ASCC3: variants seen among roughly 807,000 people sequenced by gnomAD.
The protein encoded by ASCC3 is ASC-1 complex subunit P200.
In ASCC3, 158 loss-of-function variants were observed where a neutral mutation model predicts 256.3. That is an observed-to-expected ratio of 0.62 (90% CI 0.54 to 0.70). ASCC3 has a LOEUF of 0.70. Among genes scored for constraint, ASCC3 ranks in the 30% least tolerant of loss-of-function variants. The pLI is 0.00. For synonymous variants in ASCC3, 948 were observed against 883.4 expected, an observed-to-expected ratio of 1.07 and a Z score of -1.30; for missense variants, 2,259 against 2,626.0, an observed-to-expected ratio of 0.86 and a Z score of 3.05.
intron 14 of ASCC3, 85 bp downstream of exon 14, chr6:100,679,533 T>C: frequency 6.3e-7 from 1 of 1,585,234 alleles, no homozygotes; most frequent in Non-Finnish European, 8.6e-7. Flanking sequence ...TTCTTGGAAA[T>C]TGAGACCGTG....
chr6:100,839,497 C>T (rs949525819), intron 4 of ASCC3, among the ~76,000 whole-genome samples: 10 of 152,014 alleles, frequency 6.6e-5, no homozygotes, highest in Admixed American at 1.3e-4. Flanking sequence ...ATTAATAATG[C>T]TTTTTTACCC....
chr6:100,692,420 G>GT (rs1777886336), intron 13 of ASCC3, among the ~76,000 whole-genome samples: 1 of 151,444 alleles, frequency 6.6e-6, no homozygotes, highest in African/African-American at 2.4e-5. Flanking sequence ...TGATAATATG[G>GT]TTTAATATGA....
chr6:100,662,407 G>A lies in ASCC3; in HGVS notation c.2416C>T (p.Leu806=). Residue 806 remains leucine (L), a synonymous_variant, in exon 15 of 42, where the codon CTA becomes TTA. Coordinates refer to ENST00000369162, the MANE Select transcript of ASCC3 (RefSeq NM_006828.4). ...CAGGCTAACGTAGCTGTACACACTA[G>A]GACTTTGATATGCCCATTAGAAAAC... ...NLFSNGHIKV[L]VCTATLAWGV... 6.2e-7 allele frequency: 1 copy of A among 1,613,256 alleles called. No individual in the cohort carries two copies. Among genetic ancestry groups the A allele is most frequent in the Non-Finnish European group, 8.5e-7 (1 of 1,179,478 alleles).
Position 100,512,882 on chromosome 6 carries a change from C to T in ASCC3, c.6112G>A (p.Val2038Ile), listed in dbSNP as rs1408494266. 6.2e-7 allele frequency: 1 copy of T among 1,613,826 alleles called. No individual in the cohort carries two copies. Among genetic ancestry groups the T allele is most frequent in the African/African-American group, 1.3e-5 (1 of 74,904 alleles). Reference protein sequence around the residue: ...NFLSHLPVINVGISVKGSWDD... With the variant: ...NFLSHLPVINIGISVKGSWDD... Reference sequence around the variant, plus strand: ...CACGAGCCTTTAACACTTATGCCAACATTTATCACTGGCAAGTGAGATAAG... The same window carrying T: ...CACGAGCCTTTAACACTTATGCCAATATTTATCACTGGCAAGTGAGATAAG... The change falls in exon 40 of 42, where the codon GTT becomes ATT. Residue 2038 changes from valine (V) to isoleucine (I), a missense_variant. Physicochemically the swap from Val to Ile is conservative, Grantham distance 29 (BLOSUM62 3). Around this residue, in one of 2 missense-constraint regions of ASCC3, gnomAD observed 1,839 missense variants for 2,206.7 expected, o/e 0.83. Coordinates refer to ENST00000369162, the MANE Select transcript of ASCC3 (RefSeq NM_006828.4).
At chr6:100,608,049 T>C (rs1438702688) in intron 30 of ASCC3, among the ~76,000 whole-genome samples, 1 of 136,288 alleles carries the variant, frequency 7.3e-6, no homozygotes, top group East Asian at 2.1e-4. Flanking sequence ...TACATACATA[T>C]ACATATATAC....
chr6:100,880,681 G>T (rs2114584362), intron 1 of ASCC3, among the ~76,000 whole-genome samples: 1 of 152,290 alleles, frequency 6.6e-6, no homozygotes, highest in African/African-American at 2.4e-5. Context: ...ATATGAGGAA[G>T]ATTTCTTTCC....
At chr6:100,838,680 T>C (rs1318671099) in intron 4 of ASCC3, among the ~76,000 whole-genome samples, 1 of 152,090 alleles carries the variant, frequency 6.6e-6, no homozygotes, top group Non-Finnish European at 1.5e-5. Context: ...CCACATACTA[T>C]AATTAGCTGC....
chr6:100,708,758 T>C (rs981252503), intron 13 of ASCC3, among the ~76,000 whole-genome samples: 6 of 152,114 alleles, frequency 3.9e-5, no homozygotes, highest in Non-Finnish European at 5.9e-5. Flanking sequence ...GGCTAGGATA[T>C]ATATGTTAAT....
At chr6:100,875,346 T>G (rs540892234) in intron 1 of ASCC3, among the ~76,000 whole-genome samples, 1 of 152,162 alleles carries the variant, frequency 6.6e-6, no homozygotes, top group Non-Finnish European at 1.5e-5. Context: ...GGAAGAGGAA[T>G]GATAATTCTG....
intron 36 of ASCC3, among the ~76,000 whole-genome samples, chr6:100,554,360 C>G (rs537192127): frequency 6.2e-4 from 94 of 152,220 alleles, no homozygotes; most frequent in African/African-American, 2.1e-3. Flanking sequence ...GGATTTGTAC[C>G]TGGTTGCACA....
intron 3 of ASCC3, among the ~76,000 whole-genome samples, chr6:100,852,166 T>C (rs1268676814): frequency 1.3e-5 from 2 of 152,196 alleles, no homozygotes; most frequent in African/African-American, 2.4e-5. Flanking sequence ...CTAAAATGTA[T>C]GAAAAGTTTG....
chr6:100,586,464 C>T (rs373744090), intron 36 of ASCC3, among the ~76,000 whole-genome samples: 7 of 152,136 alleles, frequency 4.6e-5, no homozygotes, highest in Non-Finnish European at 8.8e-5. Flanking sequence ...GGGAGCGACC[C>T]GATTTTCCAG....
At chr6:100,813,019 A>G (rs751556681) in intron 4 of ASCC3, among the ~76,000 whole-genome samples, 9 of 152,172 alleles carry the variant, frequency 5.9e-5, no homozygotes, top group African/African-American at 1.4e-4. Flanking sequence ...GAGAATCAGA[A>G]AAAGGTGAAA....
At chr6:100,674,989 G>A (rs116795372) in intron 14 of ASCC3, among the ~76,000 whole-genome samples, 2,175 of 152,184 alleles carry the variant, frequency 0.014, 42 homozygotes, top group African/African-American at 0.05. Context: ...AATGTGGCTT[G>A]AGGATGTTAA....
At chr6:100,558,482 G>A (rs763670110) in intron 36 of ASCC3, among the ~76,000 whole-genome samples, 26 of 152,084 alleles carry the variant, frequency 1.7e-4, no homozygotes, top group Non-Finnish European at 3.5e-4. Context: ...AGGGTCAAAT[G>A]CTGCTACAGA....
At chr6:100,809,877 C>G (rs962909980) in intron 4 of ASCC3, among the ~76,000 whole-genome samples, 7 of 152,026 alleles carry the variant, frequency 4.6e-5, no homozygotes, top group African/African-American at 1.7e-4. Flanking sequence ...ATCCTTGGCC[C>G]AGACAACTTC....
intron 36 of ASCC3, among the ~76,000 whole-genome samples, chr6:100,564,873 A>T (rs2114711752): frequency 6.6e-6 from 1 of 152,294 alleles, no homozygotes; most frequent in East Asian, 1.9e-4. Context: ...AGATTACAAA[A>T]GTGCAGTACC....
At chr6:100,529,603 G>A (rs1015647062) in intron 37 of ASCC3, among the ~76,000 whole-genome samples, 2 of 152,046 alleles carry the variant, frequency 1.3e-5, no homozygotes, top group African/African-American at 4.8e-5. Context: ...ATTATTCATG[G>A]TCTAATGGGA....
At chr6:100,517,070 T>G (rs1353301702) in intron 38 of ASCC3, among the ~76,000 whole-genome samples, 1 of 152,048 alleles carries the variant, frequency 6.6e-6, no homozygotes, top group East Asian at 1.9e-4. Context: ...TGCCATCTGC[T>G]GCTGGTATGG....
Sources: gnomAD v4.1 joint callset for allele counts (sites outside exome capture counted in the v4.1 genomes callset) on GRCh38, gnomAD v4.1.1 for gene constraint, gnomAD v4.1.1 regional missense constraint, MANE v1.5 for transcripts, NCBI Gene and HGNC (gene_info 2026-07-23, HGNC 2026-07-21) for gene names.